Variants in GMDS observed in about 807,000 individuals in gnomAD.
GMDS encodes GDP-mannose 4,6-dehydratase.
In GMDS, 20 loss-of-function variants were observed where a neutral mutation model predicts 49.9. That is an observed-to-expected ratio of 0.40 (90% CI 0.28 to 0.58). The LOEUF is 0.58. Ranked by LOEUF, GMDS falls within the 20% of genes least tolerant of loss-of-function variation. The probability of loss-of-function intolerance (pLI) is 0.42; values close to 1 mark genes in which losing one functional copy is unlikely to be tolerated. For synonymous variants in GMDS, 177 were observed against 178.6 expected (o/e 0.99, Z 0.07); for missense variants, 362 against 481.4 (o/e 0.75, Z 2.32).
intron 9 of GMDS, among the ~76,000 whole-genome samples, chr6:1,719,619 G>C (rs1008754165): frequency 1.2e-3 from 82 of 68,684 alleles, no homozygotes; most frequent in African/African-American, 5.5e-3. Context: ...CTGCTGATTT[G>C]TTTAAAAAAA....
chr6:1,834,986 A>G (rs556330503), intron 7 of GMDS, among the ~76,000 whole-genome samples: 1 of 152,350 alleles, frequency 6.6e-6, no homozygotes, highest in East Asian at 1.9e-4. Context: ...CTACAGATGC[A>G]AGCAAATCAC....
chr6:2,232,427 C>G (rs1256281309), intron 1 of GMDS, among the ~76,000 whole-genome samples: 1 of 152,148 alleles, frequency 6.6e-6, no homozygotes, highest in Admixed American at 6.5e-5. Context: ...ACTTATGGCC[C>G]ATGAAATTTA....
At chr6:2,052,515 G>T (rs1282032749) in intron 4 of GMDS, among the ~76,000 whole-genome samples, 1 of 152,178 alleles carries the variant, frequency 6.6e-6, no homozygotes, top group East Asian at 1.9e-4. Flanking sequence ...CTCTTTCATG[G>T]AACTGAAATA....
At chr6:2,051,906 C>T (rs1383138992) in intron 4 of GMDS, among the ~76,000 whole-genome samples, 1 of 151,952 alleles carries the variant, frequency 6.6e-6, no homozygotes, top group Non-Finnish European at 1.5e-5. Context: ...ATCACGAGGT[C>T]AGGAGTTCAA....
intron 4 of GMDS, among the ~76,000 whole-genome samples, chr6:2,009,672 A>C (rs2127392041): frequency 6.6e-6 from 1 of 152,328 alleles, no homozygotes; most frequent in South Asian, 2.1e-4. Context: ...AACCCAAAAC[A>C]TCAGGAACAA....
At chr6:1,878,897 T>C (rs1349987257) in intron 7 of GMDS, among the ~76,000 whole-genome samples, 2 of 152,182 alleles carry the variant, frequency 1.3e-5, no homozygotes, top group African/African-American at 4.8e-5. Context: ...TTTCTAAATA[T>C]ACCTGGGCCC....
At chr6:2,052,016 C>T (rs1030551679) in intron 4 of GMDS, among the ~76,000 whole-genome samples, 1 of 150,332 alleles carries the variant, frequency 6.7e-6, no homozygotes, top group African/African-American at 2.4e-5. Context: ...ACATGGGAGG[C>T]TGAGGCAGGA....
At chr6:1,627,176 G>A (rs1054251335) in intron 9 of GMDS, among the ~76,000 whole-genome samples, 13 of 152,326 alleles carry the variant, frequency 8.5e-5, no homozygotes, top group African/African-American at 2.9e-4. Context: ...GAAAGACTAC[G>A]AGCATCCCAG....
intron 7 of GMDS, among the ~76,000 whole-genome samples, chr6:1,897,348 C>T (rs1218682771): frequency 1.3e-5 from 2 of 152,158 alleles, no homozygotes; most frequent in East Asian, 3.9e-4. Context: ...AACTTATCTC[C>T]AAATACGGTC....
At chr6:1,907,206 T>C (rs1760822840) in intron 7 of GMDS, among the ~76,000 whole-genome samples, 1 of 152,180 alleles carries the variant, frequency 6.6e-6, no homozygotes, top group African/African-American at 2.4e-5. Context: ...TCAGTGTATG[T>C]GTATCAACTT....
At chr6:2,146,546 T>C (rs1341346717) in intron 1 of GMDS, among the ~76,000 whole-genome samples, 2 of 152,232 alleles carry the variant, frequency 1.3e-5, no homozygotes, top group African/African-American at 2.4e-5. Context: ...CTAATGACTC[T>C]TGTAGCCCTA....
At chr6:1,801,906 A>G (rs1769966009) in intron 7 of GMDS, among the ~76,000 whole-genome samples, 1 of 152,244 alleles carries the variant, frequency 6.6e-6, no homozygotes, top group Admixed American at 6.5e-5. Context: ...TTTACATCTC[A>G]GAGAAAGACT....
At chr6:2,242,735 C>T (rs1457506043) in intron 1 of GMDS, among the ~76,000 whole-genome samples, 5 of 152,154 alleles carry the variant, frequency 3.3e-5, no homozygotes, top group African/African-American at 4.8e-5. Flanking sequence ...ATTAGATGTA[C>T]GACCTCAGGG....
chr6:1,740,167 T>C lies in GMDS; in HGVS notation c.890+2301A>G, dbSNP rs118016093. Among the ~76,000 whole-genome samples, 245 of 152,316 alleles carry C rather than the reference T, an allele frequency of 1.6e-3. 6 individuals carry two copies. The East Asian group carries it at 0.044, about 27-fold the overall frequency. On this transcript the variant is annotated intron_variant, in intron 8 of 10. Coordinates refer to ENST00000380815, the MANE Select transcript of GMDS (RefSeq NM_001500.4). The stretch of plus-strand genomic sequence containing the variant: ...AAGTATAATCTGTGTTATTCACATA[T>C]ACAATATAAATTTGTTAAAATATGT...
intron 9 of GMDS, among the ~76,000 whole-genome samples, chr6:1,662,554 T>TG (rs1013041784): frequency 6.6e-6 from 1 of 151,840 alleles, no homozygotes; most frequent in African/African-American, 2.4e-5. Flanking sequence ...CTCAGAGAGG[T>TG]GGGGAGGGCC....
chr6:2,189,797 T>A (rs996974920), intron 1 of GMDS, among the ~76,000 whole-genome samples: 4 of 152,222 alleles, frequency 2.6e-5, no homozygotes, highest in African/African-American at 9.6e-5. Flanking sequence ...TGCTACTACA[T>A]AACTGATGGT....
chr6:1,789,602 C>G (rs1769452235), intron 7 of GMDS, among the ~76,000 whole-genome samples: 1 of 147,932 alleles, frequency 6.8e-6, no homozygotes, highest in Admixed American at 6.9e-5. Context: ...GTGGTGCGAT[C>G]ACGGCTCCCT....
chr6:2,025,734 T>C (rs548828709), intron 4 of GMDS, among the ~76,000 whole-genome samples: 2 of 152,308 alleles, frequency 1.3e-5, no homozygotes, highest in South Asian at 4.1e-4. Context: ...AGTCAGTATG[T>C]TCTCCAGCAA....
chr6:1,842,816 T>G (rs971984547), intron 7 of GMDS, among the ~76,000 whole-genome samples: 2 of 152,128 alleles, frequency 1.3e-5, no homozygotes, highest in African/African-American at 4.8e-5. Flanking sequence ...ATTGTATATT[T>G]TAAATAAGAA....
Sources: allele counts gnomAD v4.1 joint callset (sites outside exome capture counted in the v4.1 genomes callset), GRCh38; gene constraint gnomAD v4.1.1; transcripts MANE v1.5; gene names NCBI Gene and HGNC (gene_info 2026-07-23, HGNC 2026-07-21).